The following ZNF644 variants were observed in gnomAD, a reference collection of about 807,000 sequenced individuals.
ZNF644 encodes zinc finger motif enhancer binding protein 2.
Under a neutral mutation model 108.0 loss-of-function variants are expected in ZNF644, and 20 were observed. The ratio of observed to expected loss-of-function variants is 0.19; its 90% CI spans 0.13 to 0.27. The LOEUF is 0.27. Ranked by LOEUF, ZNF644 falls within the 10% of genes least tolerant of loss-of-function variation. The pLI, the probability that ZNF644 is intolerant of heterozygous loss-of-function variation, is 1.00. For synonymous variants in ZNF644, 542 were observed against 539.1 expected, an observed-to-expected ratio of 1.01 and a Z score of -0.08; for missense variants, 1,338 against 1,548.9, an observed-to-expected ratio of 0.86 and a Z score of 2.29.
At chr1:90,918,230 G>C (rs974850803) in intron 4 of ZNF644, 76 bp from the exon 5 acceptor site, 2 of 1,220,042 alleles carry the variant, frequency 1.6e-6, no homozygotes, top group African/African-American at 3.0e-5. Flanking sequence ...TTTCTAGAGA[G>C]GTCAGACAGA....
At chr1:91,014,340 ATAT>A (rs751523053) in intron 1 of ZNF644, among the ~76,000 whole-genome samples, 25 of 152,308 alleles carry the variant, frequency 1.6e-4, no homozygotes, top group Admixed American at 1.0e-3. Context: ...TATGAATTAA[ATAT>A]TATATTAGGA....
At chr1:90,987,341 T>G (rs1457917337) in intron 1 of ZNF644, among the ~76,000 whole-genome samples, 2 of 148,550 alleles carry the variant, frequency 1.3e-5, no homozygotes, top group Non-Finnish European at 3.0e-5. Context: ...AATGAAAATC[T>G]GAAATGAAAG....
intron 1 of ZNF644, among the ~76,000 whole-genome samples, chr1:90,999,554 G>C (rs1204339283): frequency 6.6e-6 from 1 of 152,100 alleles, no homozygotes. Context: ...ACATGGAAAG[G>C]AACATCCGGT....
intron 2 of ZNF644, among the ~76,000 whole-genome samples, chr1:90,980,026 A>G (rs1305417899): frequency 1.3e-5 from 2 of 152,196 alleles, no homozygotes; most frequent in African/African-American, 4.8e-5. Flanking sequence ...CAGCAACTCA[A>G]GTGCCAATGC....
chr1:90,954,687 G>A (rs945746967), intron 2 of ZNF644, among the ~76,000 whole-genome samples: 3 of 152,166 alleles, frequency 2.0e-5, no homozygotes, highest in African/African-American at 7.2e-5. Context: ...GATTACAGGC[G>A]TGAGCCATGG....
At chr1:90,957,595 CAA>C (rs1653879283) in intron 2 of ZNF644, among the ~76,000 whole-genome samples, 1 of 151,990 alleles carries the variant, frequency 6.6e-6, no homozygotes, top group African/African-American at 2.4e-5. Context: ...ATGAAAAAAG[CAA>C]AACACTCAGC....
intron 1 of ZNF644, among the ~76,000 whole-genome samples, chr1:91,000,918 C>T (rs1179809498): frequency 1.3e-5 from 2 of 152,036 alleles, no homozygotes; most frequent in East Asian, 3.9e-4. Flanking sequence ...TCTATGCAAA[C>T]AAACTAGAAA....
intron 2 of ZNF644, among the ~76,000 whole-genome samples, chr1:90,964,756 G>GTA (rs1255359548): frequency 2.0e-5 from 3 of 152,130 alleles, no homozygotes; most frequent in Non-Finnish European, 4.4e-5. Flanking sequence ...AAATAAGACT[G>GTA]TGAAGTATAT....
intron 2 of ZNF644, among the ~76,000 whole-genome samples, chr1:90,972,150 C>T (rs561010452): frequency 6.6e-6 from 1 of 152,108 alleles, no homozygotes; most frequent in South Asian, 2.1e-4. Context: ...ACTAATTGAA[C>T]TTTGTGAAAA....
chr1:90,994,592 G>T (rs1235660855), intron 1 of ZNF644, among the ~76,000 whole-genome samples: 1 of 152,182 alleles, frequency 6.6e-6, no homozygotes, highest in East Asian at 1.9e-4. Flanking sequence ...AAAGAATGAT[G>T]CTACACTTGA....
rs12565270 is a variant in ZNF644 at position 90,980,824 on chromosome 1, G to A, written c.44+1486C>T. On this transcript the variant is annotated intron_variant, in intron 2 of 5. Transcript: ENST00000337393. Reference sequence around the variant, plus strand: ...GGGAAAAGGCTATTAGACTGGAAGCGGGGAAAGCACAAGGAACTTTCCAAA... The same window carrying A: ...GGGAAAAGGCTATTAGACTGGAAGCAGGGAAAGCACAAGGAACTTTCCAAA... Among the ~76,000 whole-genome samples the A allele has an allele frequency of 2.0e-5, 3 of 152,158 alleles. No homozygotes were observed. In the East Asian group the frequency reaches 5.8e-4, roughly 29 times the overall value.
chr1:90,952,752 G>C (rs1394582066), intron 2 of ZNF644, among the ~76,000 whole-genome samples: 1 of 152,078 alleles, frequency 6.6e-6, no homozygotes, highest in Non-Finnish European at 1.5e-5. Flanking sequence ...CCAACATCTA[G>C]TTGGAATCCC....
intron 2 of ZNF644, among the ~76,000 whole-genome samples, chr1:90,975,651 C>T (rs1039071716): frequency 5.3e-5 from 8 of 152,048 alleles, no homozygotes; most frequent in African/African-American, 1.9e-4. Context: ...ACCACGTTGG[C>T]CAGGCTGGTC....
intron 1 of ZNF644, among the ~76,000 whole-genome samples, chr1:90,999,423 T>A (rs907594317): frequency 3.3e-5 from 5 of 152,156 alleles, no homozygotes; most frequent in African/African-American, 1.2e-4. Context: ...CAACCCAGAA[T>A]TTCATAGCCA....
At position 91,013,451 on chromosome 1, in the gene ZNF644, T is replaced by TCACACA. The variant is rs10590932; in HGVS notation, c.-18+8533_-18+8538dup. ...CCAATATATATTTCCAATCTCTCTCTCACACACACACACACACACACACAC... is the reference window on the plus strand; with the variant it reads ...CCAATATATATTTCCAATCTCTCTCTCACACACACACACACACACACACACACACAC... On this transcript the variant is annotated intron_variant, in intron 1 of 5. Coordinates refer to ENST00000337393, the MANE Select transcript of ZNF644 (RefSeq NM_201269.3). Among the ~76,000 whole-genome samples, 1,303 of 140,140 alleles carry TCACACA rather than the reference T, an allele frequency of 9.3e-3. 26 individuals are homozygous for TCACACA. Among genetic ancestry groups the TCACACA allele is most frequent in the African/African-American group, 0.032 (1,239 of 38,470 alleles). 91.9% of individuals were successfully genotyped at this position (140,140 alleles called of 152,430 possible).
chr1:90,927,838 T>TTTCC (rs965020962), intron 4 of ZNF644, among the ~76,000 whole-genome samples: 6 of 151,768 alleles, frequency 4.0e-5, no homozygotes, highest in Admixed American at 1.3e-4. Context: ...CACTTCCTTC[T>TTTCC]TTCCTTCCTT....
chr1:90,991,703 A>C (rs1254181782), intron 1 of ZNF644, among the ~76,000 whole-genome samples: 1 of 152,160 alleles, frequency 6.6e-6, no homozygotes, highest in African/African-American at 2.4e-5. Context: ...ACTTTTAAAC[A>C]ACCAGATCTC....
intron 2 of ZNF644, among the ~76,000 whole-genome samples, chr1:90,966,677 G>A (rs1444030040): frequency 6.6e-6 from 1 of 150,696 alleles, no homozygotes; most frequent in Non-Finnish European, 1.5e-5. Flanking sequence ...TTGAACCCAG[G>A]AGGTGGAGGT....
chr1:90,936,426 T>C (rs1651331792), intron 4 of ZNF644, among the ~76,000 whole-genome samples: 1 of 152,158 alleles, frequency 6.6e-6, no homozygotes, highest in African/African-American at 2.4e-5. Context: ...AAAAGCCGGA[T>C]TAAACAGAAG....
Sources: allele counts gnomAD v4.1 joint callset (sites outside exome capture counted in the v4.1 genomes callset), GRCh38; gene constraint gnomAD v4.1.1; transcripts MANE v1.5; gene names NCBI Gene and HGNC (gene_info 2026-07-23, HGNC 2026-07-21).